Variants in AVL9 observed in about 807,000 individuals in gnomAD.
The protein encoded by AVL9 is AVL9 cell migration associated.
Under a neutral mutation model 79.2 loss-of-function variants are expected in AVL9, and 49 were observed. The observed-to-expected ratio is 0.62, with a 90% CI of 0.49 to 0.79. AVL9 has a LOEUF of 0.79. Ranked by LOEUF, AVL9 falls within the 30% of genes least tolerant of loss-of-function variation. The probability of loss-of-function intolerance (pLI) is 0.00; values close to 1 mark genes in which losing one functional copy is unlikely to be tolerated. For synonymous variants in AVL9, 299 were observed against 280.6 expected (o/e 1.07, Z -0.65); for missense variants, 682 against 776.8 (o/e 0.88, Z 1.45).
intron 1 of AVL9, among the ~76,000 whole-genome samples, chr7:32,523,292 G>C (rs1403098178): frequency 6.6e-6 from 1 of 151,482 alleles, no homozygotes; most frequent in East Asian, 1.9e-4. Flanking sequence ...AGAAGGCAGA[G>C]TTTATCATGA....
chr7:32,567,493 T>G (rs1458640160), intron 10 of AVL9, among the ~76,000 whole-genome samples: 1 of 152,154 alleles, frequency 6.6e-6, no homozygotes, highest in Non-Finnish European at 1.5e-5. Context: ...TTGAAAGATT[T>G]CAAAGCATCG....
At chr7:32,575,813 T>C in intron 12 of AVL9, 142 bp from the exon 13 acceptor site, 1 of 606,580 alleles carries the variant, frequency 1.6e-6, no homozygotes. Context: ...GACCCAAGTT[T>C]CCTGACATCT....
intron 1 of AVL9, among the ~76,000 whole-genome samples, chr7:32,498,297 T>G (rs1273884268): frequency 6.9e-6 from 1 of 145,422 alleles, no homozygotes; most frequent in African/African-American, 2.5e-5. Context: ...AGGCTGGAGT[T>G]CAGTGCAGTG....
chr7:32,504,617 G>A (rs1208882399), intron 1 of AVL9, among the ~76,000 whole-genome samples: 2 of 152,154 alleles, frequency 1.3e-5, no homozygotes, highest in African/African-American at 4.8e-5. Context: ...TTTAAAGTAG[G>A]TGACTGCTAA....
intron 1 of AVL9, among the ~76,000 whole-genome samples, chr7:32,540,459 G>C (rs2128132882): frequency 6.6e-6 from 1 of 152,326 alleles, no homozygotes; most frequent in African/African-American, 2.4e-5. Context: ...GGTGAATATA[G>C]AAGTAGAGCA....
At chr7:32,499,012 A>AC (rs112744782) in intron 1 of AVL9, among the ~76,000 whole-genome samples, 25,766 of 25,784 alleles carry the variant, frequency 1, 12,875 homozygotes, top group Middle Eastern at 1. Context: ...AAAAATACAA[A>AC]ATTAGCTGCG....
chr7:32,559,061 A>T lies in AVL9; in HGVS notation c.812A>T (p.His271Leu). The change falls in exon 10 of 16, where the codon CAT becomes CTT. Residue 271 changes from histidine (H) to leucine (L), a missense_variant. Physicochemically the swap from His to Leu is moderately conservative, Grantham distance 99. Transcript: ENST00000318709. ...TCTGCATCCACTGCTGATGTTTCACATACCAACTTGGGAACTATCAGGAAA... is the reference window on the plus strand; with the variant it reads ...TCTGCATCCACTGCTGATGTTTCACTTACCAACTTGGGAACTATCAGGAAA... ...FVSASTADVS[H>L]TNLGTIRKVM... 6.2e-7 allele frequency: 1 copy of T among 1,614,196 alleles called. No homozygotes were observed. Among genetic ancestry groups the T allele is most frequent in the African/African-American group, 1.3e-5 (1 of 75,060 alleles).
chr7:32,507,078 A>C (rs1787444303), intron 1 of AVL9, among the ~76,000 whole-genome samples: 1 of 152,194 alleles, frequency 6.6e-6, no homozygotes, highest in South Asian at 2.1e-4. Flanking sequence ...CACAATATTA[A>C]TAAATAATAG....
chr7:32,550,073 C>T (rs142223577), intron 4 of AVL9, among the ~76,000 whole-genome samples: 42 of 152,166 alleles, frequency 2.8e-4, no homozygotes, highest in African/African-American at 1.0e-3. Flanking sequence ...CTTTTTTATA[C>T]TGGACCAGAT....
At chr7:32,527,271 T>A (rs1008210907) in intron 1 of AVL9, among the ~76,000 whole-genome samples, 1 of 152,190 alleles carries the variant, frequency 6.6e-6, no homozygotes, top group Admixed American at 6.5e-5. Context: ...GCTACCCCTA[T>A]ACTAATGAAA....
chr7:32,572,519 C>G (rs1790900386), intron 11 of AVL9, among the ~76,000 whole-genome samples: 1 of 150,494 alleles, frequency 6.6e-6, no homozygotes, highest in Admixed American at 6.6e-5. Context: ...TCTAAAGTAT[C>G]TGGCCGGGCA....
chr7:32,496,632 G>A (rs1786826090), intron 1 of AVL9, among the ~76,000 whole-genome samples: 1 of 152,220 alleles, frequency 6.6e-6, no homozygotes, highest in Non-Finnish European at 1.5e-5. Flanking sequence ...TAATGTGCTA[G>A]TGAACAGTAA....
chr7:32,582,192 ATTAT>A (rs1791542154), intron 15 of AVL9, among the ~76,000 whole-genome samples: 1 of 152,224 alleles, frequency 6.6e-6, no homozygotes, highest in African/African-American at 2.4e-5. Context: ...TGATTCACCA[ATTAT>A]TTACATTTTG....
At chr7:32,580,304 C>T in intron 14 of AVL9, 32 bp downstream of exon 14, 1 of 1,547,952 alleles carries the variant, frequency 6.5e-7, no homozygotes, top group East Asian at 2.3e-5. Flanking sequence ...TGGGAAAATT[C>T]TTAAGTCTGA....
chr7:32,557,916 C>T (rs936226050), intron 8 of AVL9, among the ~76,000 whole-genome samples: 4 of 143,746 alleles, frequency 2.8e-5, no homozygotes, highest in East Asian at 2.0e-4. Context: ...AGTGCAGTGG[C>T]GTAATCTCAG....
chr7:32,568,410 A>G (rs973542762), intron 10 of AVL9, among the ~76,000 whole-genome samples: 41 of 152,034 alleles, frequency 2.7e-4, no homozygotes, highest in African/African-American at 9.2e-4. Context: ...CATGTTGGCC[A>G]GGCTGGTCTC....
At chr7:32,548,312 T>C (rs1404347691) in intron 3 of AVL9, among the ~76,000 whole-genome samples, 1 of 152,074 alleles carries the variant, frequency 6.6e-6, no homozygotes, top group East Asian at 1.9e-4. Flanking sequence ...CACACCTGGC[T>C]GATTTCTGTA....
chr7:32,495,676 T>A lies in AVL9; in HGVS notation c.-34T>A. The A allele has an allele frequency of 8.0e-7, 1 of 1,245,252 alleles. No individual in the cohort carries two copies. 77.1% of individuals were successfully genotyped at this position (1,245,252 alleles called of 1,614,324 possible). A position where few individuals can be genotyped will look rare whatever the true frequency, so the allele number is the denominator to read the frequency against. ...TCGTCAGACCCGCTGCCCTTGGCGG[T>A]CGAAGTCGTCGTGCGGGCCCGCGGC... is the stretch of plus-strand genomic sequence containing the variant. On this transcript the variant is annotated 5_prime_UTR_variant, in exon 1 of 16. Coordinates refer to ENST00000318709, the MANE Select transcript of AVL9 (RefSeq NM_015060.3).
At chr7:32,556,772 T>G (rs1456653515) in intron 8 of AVL9, among the ~76,000 whole-genome samples, 1 of 152,100 alleles carries the variant, frequency 6.6e-6, no homozygotes, top group East Asian at 1.9e-4. Context: ...TTTGAATTCC[T>G]TTTTATTTTT....
Sources: gnomAD v4.1 joint callset for allele counts (sites outside exome capture counted in the v4.1 genomes callset) on GRCh38, gnomAD v4.1.1 for gene constraint, MANE v1.5 for transcripts, NCBI Gene and HGNC (gene_info 2026-07-23, HGNC 2026-07-21) for gene names.